GON4L: variants seen among roughly 807,000 people sequenced by gnomAD.
GON4L encodes GON-4-like protein.
GON4L carries 87 observed loss-of-function variants against 211.8 expected under a neutral mutation model. The observed-to-expected ratio is 0.41, with a 90% CI of 0.35 to 0.49. The LOEUF (loss-of-function observed/expected upper bound fraction) is 0.49. Ranked by LOEUF, GON4L falls within the 20% of genes least tolerant of loss-of-function variation. The pLI is 0.15. For synonymous variants in GON4L, 875 were observed against 962.6 expected (o/e 0.91, Z 1.68); for missense variants, 2,155 against 2,659.5 (o/e 0.81, Z 4.17).
chr1:155,790,512 G>A (rs533241485), intron 12 of GON4L, among the ~76,000 whole-genome samples: 226 of 152,290 alleles, frequency 1.5e-3, no homozygotes, highest in Non-Finnish European at 1.0e-3. Flanking sequence ...AAAGTGCTGG[G>A]ATTACAGATG....
intron 10 of GON4L, among the ~76,000 whole-genome samples, chr1:155,805,688 A>G (rs1667059609): frequency 1.3e-5 from 2 of 151,100 alleles, no homozygotes; most frequent in South Asian, 4.2e-4. Flanking sequence ...AATATCTATC[A>G]ATACTTTTTT....
At chr1:155,779,971 T>A (rs1279391577) in intron 14 of GON4L, among the ~76,000 whole-genome samples, 1 of 151,944 alleles carries the variant, frequency 6.6e-6, no homozygotes, top group Non-Finnish European at 1.5e-5. Flanking sequence ...CTAATTTTTG[T>A]ATTTTTTTGT....
chr1:155,771,557 T>G (rs1203956034), intron 18 of GON4L, among the ~76,000 whole-genome samples: 3 of 152,152 alleles, frequency 2.0e-5, no homozygotes, highest in Non-Finnish European at 4.4e-5. Flanking sequence ...ACTGCAGCCT[T>G]GAATGCCTGG....
intron 14 of GON4L, 35 bp from the exon 15 acceptor site, chr1:155,777,855 T>C (rs752750682): frequency 3.5e-5 from 46 of 1,304,594 alleles, no homozygotes; most frequent in Non-Finnish European, 4.9e-5. Context: ...AATTTGAGTG[T>C]TTCCGTAGGT....
At chr1:155,786,329 A>T (rs1157577031) in intron 12 of GON4L, among the ~76,000 whole-genome samples, 1 of 152,130 alleles carries the variant, frequency 6.6e-6, no homozygotes, top group Admixed American at 6.6e-5. Context: ...GAATCAAGAG[A>T]TGAGTCTCCT....
chr1:155,749,472 A>T, downstream of GON4L: 1 of 1,499,856 alleles, frequency 6.7e-7, no homozygotes, highest in Non-Finnish European at 9.0e-7. Context: ...GCCAACCGCA[A>T]CCCTCCCTTG....
rs371568461 is a variant in GON4L at position 155,764,426 on chromosome 1, A to ATTTT, written c.4473+570_4473+573dup. ...GAGCCACCGTGCCCAGTTATTTACT[A>ATTTT]TTTTTTTTTTTTTTTTTTTTTTTTT... On this transcript the variant is annotated intron_variant, in intron 21 of 31. Transcript: ENST00000368331. 175 of 139,982 alleles carry ATTTT rather than the reference A, an allele frequency of 1.3e-3. 3 individuals carry two copies. The highest frequency in any genetic ancestry group is 2.9e-3 in the African/African-American group (93 of 31,592). 8.7% of individuals were successfully genotyped at this position (139,982 alleles called of 1,614,324 possible).
Position 155,766,709 on chromosome 1 carries a change from C to T in GON4L, c.2764G>A (p.Ala922Thr), listed in dbSNP as rs1662531605. 2 of 1,614,048 alleles carry T rather than the reference C, an allele frequency of 1.2e-6. No homozygotes were observed. The highest frequency in any genetic ancestry group is 1.3e-5 in the African/African-American group (1 of 75,018). ...TCTTCCTGGATGGATGGCAGACTGGCCTATTGGAAACAAGAACACTCTGAT... is the reference window on the plus strand; with the variant it reads ...TCTTCCTGGATGGATGGCAGACTGGTCTATTGGAAACAAGAACACTCTGAT... ...EEHRLPFWLKASLPSIQEELR... is the reference protein window; with the variant it reads ...EEHRLPFWLKTSLPSIQEELR... Residue 922 changes from alanine (A) to threonine (T), a missense_variant and splice_region_variant, in exon 21 of 32, where the codon GCC becomes ACC. Coordinates refer to ENST00000368331, the MANE Select transcript of GON4L (RefSeq NM_001282860.2).
chr1:155,756,681 T>C (rs1241109365), intron 27 of GON4L: 1 of 363,730 alleles, frequency 2.7e-6, no homozygotes, highest in Non-Finnish European at 5.2e-6. Context: ...TCCCAGCACT[T>C]TGGGAGGCCG....
rs201620911 is a variant in GON4L at position 155,757,145 on chromosome 1, C to G, written c.5397+35G>C. The G allele has an allele frequency of 1.7e-3, 2,710 of 1,613,826 alleles. 4 individuals carry two copies. Among genetic ancestry groups the G allele is most frequent in the Middle Eastern group, 3.5e-3 (21 of 6,062 alleles). ...TATCCCTCCCACGTGTGGCCTTCCC[C>G]CTTCATAAGGCTACAGCAGCCTTAG... is the stretch of plus-strand genomic sequence containing the variant. On this transcript the variant is annotated intron_variant, in intron 26 of 31. Coordinates refer to ENST00000368331, the MANE Select transcript of GON4L (RefSeq NM_001282860.2).
At chr1:155,838,899 C>G (rs186407983) in intron 2 of GON4L, among the ~76,000 whole-genome samples, 255 of 151,378 alleles carry the variant, frequency 1.7e-3, no homozygotes, top group Middle Eastern at 3.4e-3. Flanking sequence ...TTATTGGATG[C>G]CTGGGTCATT....
intron 2 of GON4L, among the ~76,000 whole-genome samples, chr1:155,843,077 C>G (rs551788936): frequency 8.3e-4 from 126 of 152,248 alleles, no homozygotes; most frequent in Non-Finnish European, 1.7e-3. Flanking sequence ...CTTAAAGTTG[C>G]TATTTCACAA....
At chr1:155,777,904 G>A (rs1424047233) in intron 14 of GON4L, 84 bp from the exon 15 acceptor site, 27 of 837,166 alleles carry the variant, frequency 3.2e-5, no homozygotes, top group South Asian at 2.7e-4. Flanking sequence ...TGAGCAAAGA[G>A]CCTGAACAAT....
At chr1:155,764,733 C>A in intron 21 of GON4L, 9 of 1,109,420 alleles carry the variant, frequency 8.1e-6, no homozygotes, top group Non-Finnish European at 1.2e-5. Flanking sequence ...GCCACCAAGC[C>A]CAGCCTATTA....
chr1:155,759,840 T>C (rs1661583953), intron 24 of GON4L, among the ~76,000 whole-genome samples: 1 of 151,544 alleles, frequency 6.6e-6, no homozygotes, highest in African/African-American at 2.4e-5. Context: ...CAGACCGCTG[T>C]GTATAAAACC....
At chr1:155,814,281 C>G in intron 9 of GON4L, 49 bp downstream of exon 9, 1 of 1,545,102 alleles carries the variant, frequency 6.5e-7, no homozygotes, top group Non-Finnish European at 8.9e-7. Context: ...GTTAAAAAAT[C>G]TACTTAGACA....
At position 155,834,820 on chromosome 1, in the gene GON4L, G is replaced by A. The variant is rs887494923; in HGVS notation, c.506-7792C>T. 5.3e-5 allele frequency among the ~76,000 whole-genome samples: 8 copies of A among 152,012 alleles called. 1 individual carries two copies. The highest frequency in any genetic ancestry group is 3.3e-4 in the Admixed American group (5 of 15,264). ...TTTCCAGAAAATCCATTAAAAATCC[G>A]CCCCTTCGCCTCTGCCCAGCTGCCC... On this transcript the variant is annotated intron_variant, in intron 2 of 31. Transcript: ENST00000368331.
At chr1:155,816,773 T>TAAAAAAAA (rs34370558) in intron 6 of GON4L, among the ~76,000 whole-genome samples, 2 of 78,084 alleles carry the variant, frequency 2.6e-5, no homozygotes, top group Non-Finnish European at 4.6e-5. Flanking sequence ...TTTTTTTTCT[T>TAAAAAAAA]AAAAAAAAAA....
Position 155,752,278 on chromosome 1 carries a change from A to C in GON4L, c.6155T>G (p.Leu2052Arg). The change falls in exon 30 of 32, where the codon CTG becomes CGG. Residue 2052 changes from leucine to arginine, a missense_variant. Coordinates refer to ENST00000368331, the MANE Select transcript of GON4L (RefSeq NM_001282860.2). ...PGTVEPPASFLSPVSSKTRDA... is the reference protein window; with the variant it reads ...PGTVEPPASFRSPVSSKTRDA... ...TCTGGTCTTTGAGGAAACAGGACTC[A>C]GGAAGGAAGCAGGGGGTTCCACGGT... 6.3e-7 allele frequency: 1 copy of C among 1,591,704 alleles called. No individual in the cohort carries two copies. Among genetic ancestry groups the C allele is most frequent in the Non-Finnish European group, 8.6e-7 (1 of 1,159,994 alleles).
Sources: gnomAD v4.1 joint callset for allele counts (sites outside exome capture counted in the v4.1 genomes callset) on GRCh38, gnomAD v4.1.1 for gene constraint, MANE v1.5 for transcripts, NCBI Gene and HGNC (gene_info 2026-07-23, HGNC 2026-07-21) for gene names.